The following P4HA3 variants were observed in gnomAD, a reference collection of about 807,000 sequenced individuals.
P4HA3 encodes prolyl 4-hydroxylase subunit alpha 3.
Under a neutral mutation model 66.7 loss-of-function variants are expected in P4HA3, and 60 were observed. That is an observed-to-expected ratio of 0.90 (90% CI 0.73 to 1.12). The LOEUF (loss-of-function observed/expected upper bound fraction) is 1.12, where lower values mean the gene tolerates loss of function less well. Ranked by LOEUF, P4HA3 falls within the 50% of genes most tolerant of loss-of-function variation. The pLI, the probability that P4HA3 is intolerant of heterozygous loss-of-function variation, is 0.00. For missense variants in P4HA3, 683 were observed against 685.8 expected, an observed-to-expected ratio of 1.00 and a Z score of 0.05; for synonymous variants, 263 against 274.6, an observed-to-expected ratio of 0.96 and a Z score of 0.42.
rs754844036 is a variant in P4HA3 at position 74,279,448 on chromosome 11, T to C, written c.1115A>G (p.Gln372Arg). 2 of 1,613,890 alleles carry C rather than the reference T, an allele frequency of 1.2e-6. No homozygotes were observed. The highest frequency in any genetic ancestry group is 2.2e-5 in the South Asian group (2 of 91,074). The change falls in exon 8 of 13, where the codon CAG (glutamine) becomes CGG (arginine). Residue 372 changes from glutamine to arginine, a missense_variant. Coordinates refer to ENST00000331597, the MANE Select transcript of P4HA3 (RefSeq NM_182904.5). ...KIRELAEPWLQRSVVASGEKQ... is the reference protein window; with the variant it reads ...KIRELAEPWLRRSVVASGEKQ... ...CTCCCCTGATGCCACCACTGACCTC[T>C]GTAGCTGGTGGGAAGAATGTAAGAC...
intron 10 of P4HA3, among the ~76,000 whole-genome samples, chr11:74,273,082 TTC>T (rs150293642): frequency 6.0e-4 from 91 of 152,332 alleles, no homozygotes; most frequent in African/African-American, 2.2e-3. Context: ...CTTGCTGAAT[TTC>T]TCTCAGTGTC....
chr11:74,262,734 G>C (rs572265529), downstream of P4HA3, among the ~76,000 whole-genome samples: 1 of 152,276 alleles, frequency 6.6e-6, no homozygotes, highest in Admixed American at 6.5e-5. Flanking sequence ...GCAATCTGCA[G>C]GTAAATGTCC....
At chr11:74,282,140 A>C (rs981241030) in intron 7 of P4HA3, among the ~76,000 whole-genome samples, 10 of 149,664 alleles carry the variant, frequency 6.7e-5, no homozygotes, top group African/African-American at 1.9e-4. Flanking sequence ...TAAAAAAAAA[A>C]AACAAAAAAA....
intron 15 of P4HA3, among the ~76,000 whole-genome samples, chr11:74,258,380 A>G (rs1859859995): frequency 1.3e-5 from 2 of 152,192 alleles, no homozygotes; most frequent in Non-Finnish European, 2.9e-5. Context: ...GAATGATGCC[A>G]TTCCATAATG....
chr11:74,284,580 T>C (rs993649698), intron 7 of P4HA3, among the ~76,000 whole-genome samples: 5 of 151,998 alleles, frequency 3.3e-5, no homozygotes, highest in African/African-American at 4.8e-5. Flanking sequence ...ACATTATAAC[T>C]AAATTTTTCC....
chr11:74,289,157 AAGC>A, intron 4 of P4HA3, 27 bp from the exon 5 acceptor site: 1 of 1,543,932 alleles, frequency 6.5e-7, no homozygotes, highest in Non-Finnish European at 8.8e-7. Context: ...AAAGAAAAGA[AAGC>A]ATTAACTTCA....
At chr11:74,264,055 G>C (rs1166962383), downstream of P4HA3, among the ~76,000 whole-genome samples, 1 of 152,186 alleles carries the variant, frequency 6.6e-6, no homozygotes, top group Non-Finnish European at 1.5e-5. Context: ...TCAGATTCAG[G>C]GGGTATGGAG....
intron 9 of P4HA3, among the ~76,000 whole-genome samples, chr11:74,275,845 T>C (rs1860375626): frequency 6.6e-6 from 1 of 152,168 alleles, no homozygotes; most frequent in African/African-American, 2.4e-5. Flanking sequence ...AAAAAACACC[T>C]GCACCCAGAT....
chr11:74,304,176 C>T, intron 2 of P4HA3, 94 bp downstream of exon 2: 1 of 1,487,532 alleles, frequency 6.7e-7, no homozygotes, highest in East Asian at 2.3e-5. Flanking sequence ...ACTCCATTAC[C>T]CTTTGAAATC....
intron 2 of P4HA3, among the ~76,000 whole-genome samples, chr11:74,303,054 T>C (rs1212028412): frequency 6.6e-6 from 1 of 152,128 alleles, no homozygotes. Context: ...TGGGCTCAAG[T>C]GAGCCTCTCA....
At chr11:74,294,210 C>T (rs566444174) in intron 4 of P4HA3, among the ~76,000 whole-genome samples, 2 of 152,354 alleles carry the variant, frequency 1.3e-5, no homozygotes, top group South Asian at 4.1e-4. Flanking sequence ...TCTTCCATCA[C>T]TGATACCCTT....
rs373666394 is a variant in P4HA3, at chr11:74,295,576, T to C, written c.717+2636A>G. 1.4e-4 allele frequency among the ~76,000 whole-genome samples: 22 copies of C among 152,324 alleles called. No individual in the cohort carries two copies. In the East Asian group the frequency reaches 4.2e-3, roughly 29 times the overall value. On this transcript the variant is annotated intron_variant, in intron 4 of 12. Transcript: ENST00000331597. ...CTACACCAAAATCCAGGGACTGAAG[T>C]ACTTTGGATAATATATAGTTTTTAC...
chr11:74,296,934 C>CTT (rs540922878), intron 4 of P4HA3, among the ~76,000 whole-genome samples: 4,537 of 123,880 alleles, frequency 0.037, 155 homozygotes, highest in South Asian at 0.11. Flanking sequence ...TTCTTTTTTT[C>CTT]TTTTTTTTTT....
chr11:74,252,598 A>G (rs1424241934), intron 15 of P4HA3: 1 of 451,924 alleles, frequency 2.2e-6, no homozygotes, highest in Non-Finnish European at 4.4e-6. Flanking sequence ...TTTGAGGTGG[A>G]TAATTCTTCA....
chr11:74,295,762 C>T (rs990012277), intron 4 of P4HA3, among the ~76,000 whole-genome samples: 1 of 152,094 alleles, frequency 6.6e-6, no homozygotes, highest in African/African-American at 2.4e-5. Flanking sequence ...CCTAACCATT[C>T]CACTACTGTT....
Position 74,286,232 on chromosome 11 carries a change from G to A in P4HA3, c.929C>T (p.Ser310Phe). Residue 310 changes from serine (S) to phenylalanine (F), a missense_variant, in exon 6 of 13, where the codon TCC becomes TTC. By Grantham distance (155) the Ser-to-Phe change is radical. Transcript: ENST00000331597. ...TYEGLCQTLG[S>F]QPTLYQIPSL... ...TCTTTCCCTGAGGAATCCTACCTGG[G>A]AACCCAGGGTCTGACATAGCCCCTC... is the stretch of plus-strand genomic sequence containing the variant. The A allele has an allele frequency of 6.2e-7, 1 of 1,611,668 alleles. No individual in the cohort carries two copies. Among genetic ancestry groups the A allele is most frequent in the Non-Finnish European group, 8.5e-7 (1 of 1,179,370 alleles).
chr11:74,252,513 C>G (rs1277895329), intron 15 of P4HA3: 1 of 456,218 alleles, frequency 2.2e-6, no homozygotes, highest in Non-Finnish European at 4.4e-6. Flanking sequence ...CCGAAGCTGG[C>G]AGAATATTAG....
chr11:74,302,739 G>T, intron 2 of P4HA3, 147 bp from the exon 3 acceptor site: 1 of 703,524 alleles, frequency 1.4e-6, no homozygotes, highest in Non-Finnish European at 2.3e-6. Context: ...ACAGTTCCTG[G>T]CACAGGGTGG....
At position 74,277,129 on chromosome 11, in the gene P4HA3, G is replaced by A; in HGVS notation, c.1191C>T (p.Asp397=). The change falls in exon 9 of 13, where the codon GAC becomes GAT. Residue 397 remains aspartate, a synonymous_variant. Transcript: ENST00000331597. ...GGGTCACCAGTTTTGGGTCAACAGT[G>A]TCCTTCAGCCAGGCACTAAAACACA... The part of the protein sequence containing the change: ...YRISKSAWLK[D]TVDPKLVTLN... The A allele has an allele frequency of 1.2e-6, 2 of 1,613,774 alleles. No individual in the cohort carries two copies. Among genetic ancestry groups the A allele is most frequent in the East Asian group, 2.2e-5 (1 of 44,872 alleles).
Sources: gnomAD v4.1 joint callset for allele counts (sites outside exome capture counted in the v4.1 genomes callset) on GRCh38, gnomAD v4.1.1 for gene constraint, MANE v1.5 for transcripts, NCBI Gene and HGNC (gene_info 2026-07-23, HGNC 2026-07-21) for gene names.